The following NUP153 variants were observed in gnomAD, a reference collection of about 807,000 sequenced individuals.
NUP153 encodes nucleoporin 153, also known as nuclear pore complex protein Nup153.
Under a neutral mutation model 134.6 loss-of-function variants are expected in NUP153, and 27 were observed. The ratio of observed to expected loss-of-function variants is 0.20; its 90% CI spans 0.15 to 0.28. NUP153 has a LOEUF of 0.28. Ranked by LOEUF, NUP153 falls within the 10% of genes least tolerant of loss-of-function variation. The probability of loss-of-function intolerance (pLI) is 1.00; values close to 1 mark genes in which losing one functional copy is unlikely to be tolerated. For missense variants in NUP153, 1,821 were observed against 1,731.3 expected, an observed-to-expected ratio of 1.05 and a Z score of -0.92; for synonymous variants, 640 against 623.5, an observed-to-expected ratio of 1.03 and a Z score of -0.40.
At chr6:17,702,805 G>C (rs181421869) in intron 1 of NUP153, among the ~76,000 whole-genome samples, 14 of 152,308 alleles carry the variant, frequency 9.2e-5, no homozygotes, top group African/African-American at 3.4e-4. Context: ...CTTCATATTT[G>C]CTTCTACAAT....
At chr6:17,654,320 A>G (rs1324725510) in intron 11 of NUP153, among the ~76,000 whole-genome samples, 1 of 149,580 alleles carries the variant, frequency 6.7e-6, no homozygotes, top group African/African-American at 2.4e-5. Context: ...CTGACCTTGA[A>G]CCAATTTTTT....
chr6:17,619,949 T>A (rs1764559732), intron 20 of NUP153, among the ~76,000 whole-genome samples: 1 of 151,284 alleles, frequency 6.6e-6, no homozygotes, highest in African/African-American at 2.4e-5. Context: ...AATACAAAAA[T>A]TAGCCAAGTG....
At chr6:17,692,516 CAA>C (rs540400102) in intron 1 of NUP153, among the ~76,000 whole-genome samples, 92 of 151,520 alleles carry the variant, frequency 6.1e-4, no homozygotes, top group Non-Finnish European at 1.1e-3. Flanking sequence ...TTTCTAAAAA[CAA>C]AAAGACAAAA....
At chr6:17,672,061 C>G (rs72837208) in intron 5 of NUP153, among the ~76,000 whole-genome samples, 71 of 151,960 alleles carry the variant, frequency 4.7e-4, no homozygotes, top group Non-Finnish European at 6.2e-4. Flanking sequence ...AGAAACAAGC[C>G]AATTTTAGAT....
At chr6:17,657,276 T>G (rs9477500) in intron 11 of NUP153, among the ~76,000 whole-genome samples, 2,177 of 151,866 alleles carry the variant, frequency 0.014, 59 homozygotes, top group African/African-American at 0.05. Context: ...GCACAGTGAC[T>G]CACACCTGTA....
chr6:17,696,035 C>T (rs929218893), intron 1 of NUP153, among the ~76,000 whole-genome samples: 1 of 151,260 alleles, frequency 6.6e-6, no homozygotes, highest in African/African-American at 2.4e-5. Context: ...AAAGAAAATA[C>T]TGGAACAATT....
chr6:17,702,920 C>T (rs907919088), intron 1 of NUP153, among the ~76,000 whole-genome samples: 3 of 152,098 alleles, frequency 2.0e-5, no homozygotes, highest in African/African-American at 7.2e-5. Context: ...AGAATTTGGG[C>T]CGGGCGCGGT....
intron 14 of NUP153, among the ~76,000 whole-genome samples, chr6:17,641,895 A>G (rs1765863104): frequency 1.3e-5 from 2 of 152,172 alleles, no homozygotes; most frequent in Admixed American, 1.3e-4. Flanking sequence ...TCAAAATGGT[A>G]AAAGTTGAAG....
chr6:17,669,285 C>T lies in NUP153; in HGVS notation c.1014+8G>A. On this transcript the variant is annotated splice_region_variant and intron_variant, in intron 7 of 21. Coordinates refer to ENST00000262077, the MANE Select transcript of NUP153 (RefSeq NM_005124.4). ...ATATTTTGTAAAAAGGTTTAAATCT[C>T]AACTTACAGAATTCAGAGGAGAAGA... is the stretch of plus-strand genomic sequence containing the variant. 1.2e-6 allele frequency: 2 copies of T among 1,608,588 alleles called. No homozygotes were observed. Among genetic ancestry groups the T allele is most frequent in the Non-Finnish European group, 1.7e-6 (2 of 1,175,432 alleles).
chr6:17,641,635 C>T (rs1003526069), intron 14 of NUP153, among the ~76,000 whole-genome samples: 4 of 152,116 alleles, frequency 2.6e-5, no homozygotes, highest in Admixed American at 6.5e-5. Flanking sequence ...AGGCAGATCA[C>T]GAGGTCAGGA....
intron 1 of NUP153, among the ~76,000 whole-genome samples, chr6:17,690,861 C>T (rs185266342): frequency 2.9e-4 from 44 of 152,144 alleles, no homozygotes; most frequent in Admixed American, 3.9e-4. Flanking sequence ...AAAAGGTAGC[C>T]GGGCGTGGTG....
At chr6:17,693,926 T>C (rs1313926524) in intron 1 of NUP153, among the ~76,000 whole-genome samples, 1 of 152,194 alleles carries the variant, frequency 6.6e-6, no homozygotes, top group Non-Finnish European at 1.5e-5. Context: ...AGTAGAAATT[T>C]GCATGGCCTC....
In NUP153 at chr6:17,637,567, C is replaced by T. The variant is rs779924278; in HGVS notation, c.2050G>A (p.Ala684Thr). Reference sequence around the variant, plus strand: ...GCAGTATCTCTGGGTGACAATTTTGCTGCTTGACAGGCTATGCATTTGTTG... The same window carrying T: ...GCAGTATCTCTGGGTGACAATTTTGTTGCTTGACAGGCTATGCATTTGTTG... The part of the protein sequence containing the change: ...TDNKCIACQA[A>T]KLSPRDTAKQ... The change falls in exon 16 of 22, where the codon GCA becomes ACA. Residue 684 changes from alanine to threonine, a missense_variant. Ala to Thr is a moderately conservative substitution (Grantham distance 58). Coordinates refer to ENST00000262077, the MANE Select transcript of NUP153 (RefSeq NM_005124.4). 6.2e-7 allele frequency: 1 copy of T among 1,614,154 alleles called. No homozygotes were observed. Among genetic ancestry groups the T allele is most frequent in the South Asian group, 1.1e-5 (1 of 91,090 alleles).
intron 14 of NUP153, among the ~76,000 whole-genome samples, chr6:17,641,858 AGAAG>A (rs1343111092): frequency 4.6e-4 from 70 of 152,000 alleles, no homozygotes; most frequent in Admixed American, 4.5e-3. Flanking sequence ...TCAGAAAAAA[AGAAG>A]AAAGAAAAAG....
rs769182734 is a variant in NUP153, at chr6:17,643,527, CTT to C, written c.1720+2538_1720+2539del. On this transcript the variant is annotated intron_variant, in intron 14 of 21. Transcript: ENST00000262077. ...ACTCGTACAACTATGCCAAAACAAACTTATAATTTAATCACGTTCTATCTTCC... is the reference window on the plus strand; with the variant it reads ...ACTCGTACAACTATGCCAAAACAAACATAATTTAATCACGTTCTATCTTCC... Among the ~76,000 whole-genome samples the C allele has an allele frequency of 3.0e-4, 46 of 152,270 alleles. 1 individual carries two copies. Among genetic ancestry groups the C allele is most frequent in the South Asian group, 2.9e-3 (14 of 4,828 alleles).
intron 8 of NUP153, among the ~76,000 whole-genome samples, chr6:17,668,262 T>C (rs1204537416): frequency 6.6e-6 from 1 of 151,774 alleles, no homozygotes; most frequent in Non-Finnish European, 1.5e-5. Flanking sequence ...GTATTTTTAG[T>C]AGAGACAGGG....
chr6:17,686,110 T>C (rs1768906388), intron 2 of NUP153, among the ~76,000 whole-genome samples: 1 of 151,966 alleles, frequency 6.6e-6, no homozygotes, highest in South Asian at 2.1e-4. Context: ...ATGGTGCCAC[T>C]GCACTCCAGC....
In NUP153 at chr6:17,625,687, G is replaced by C. The variant is rs990665234; in HGVS notation, c.3901+121C>G. 2.7e-6 allele frequency: 2 copies of C among 750,586 alleles called. No individual in the cohort carries two copies. Among genetic ancestry groups the C allele is most frequent in the East Asian group, 2.5e-5 (1 of 40,144 alleles). 46.5% of individuals were successfully genotyped at this position (750,586 alleles called of 1,614,324 possible). ...GAATAATTAAAACAACCCTGGTATA[G>C]ATGACCAAAAGGCATTCCCACCATT... On this transcript the variant is annotated intron_variant, in intron 19 of 21. Transcript: ENST00000262077. This position sits in a 1 kb window ranked among gnomAD's most constrained non-coding sequence, Gnocchi z 4.7.
chr6:17,685,016 C>A (rs1488960113), intron 2 of NUP153, among the ~76,000 whole-genome samples: 2 of 152,160 alleles, frequency 1.3e-5, no homozygotes, highest in African/African-American at 4.8e-5. Flanking sequence ...GCAAGAATTA[C>A]CAAAGTGACA....
Sources: allele counts gnomAD v4.1 joint callset (sites outside exome capture counted in the v4.1 genomes callset), GRCh38; gene constraint gnomAD v4.1.1; non-coding constraint Gnocchi (gnomAD v3.1); transcripts MANE v1.5; gene names NCBI Gene and HGNC (gene_info 2026-07-23, HGNC 2026-07-21).